Variants in ZNF462 observed in about 807,000 individuals in gnomAD.
The protein encoded by ZNF462 is zinc finger PBX1-interacting protein.
In ZNF462, 10 loss-of-function variants were observed where a neutral mutation model predicts 201.9. The ratio of observed to expected loss-of-function variants is 0.05; its 90% CI spans 0.03 to 0.08. ZNF462 has a LOEUF of 0.08. Among genes scored for constraint, ZNF462 ranks in the 10% least tolerant of loss-of-function variants. ZNF462 has a pLI of 1.00. For missense variants in ZNF462, 2,523 were observed against 3,168.3 expected (o/e 0.80, Z 4.89); for synonymous variants, 1,227 against 1,193.3 (o/e 1.03, Z -0.58).
intron 7 of ZNF462, among the ~76,000 whole-genome samples, chr9:106,956,400 G>T (rs956279053): frequency 6.6e-6 from 1 of 152,148 alleles, no homozygotes; most frequent in Non-Finnish European, 1.5e-5. Flanking sequence ...AAACCATGCT[G>T]TAAACAGATG....
At chr9:106,862,295 C>G (rs1228758118), upstream of ZNF462, among the ~76,000 whole-genome samples, 1 of 152,184 alleles carries the variant, frequency 6.6e-6, no homozygotes, top group African/African-American at 2.4e-5. The surrounding 1 kb of genome is among the most constrained non-coding windows in gnomAD (Gnocchi z 4.2). Flanking sequence ...AGGTTGGCCT[C>G]TAGATGGATG....
In ZNF462 at chr9:106,929,002, T is replaced by C; in HGVS notation, c.5090T>C (p.Phe1697Ser). 1 of 1,613,802 alleles carries C rather than the reference T, an allele frequency of 6.2e-7. No individual in the cohort carries two copies. The highest frequency in any genetic ancestry group is 1.1e-5 in the South Asian group (1 of 91,058). The change falls in exon 3 of 13, where the codon TTC becomes TCC. Residue 1697 changes from phenylalanine (F) to serine (S), a missense_variant. By Grantham distance (155) the Phe-to-Ser change is radical. Coordinates refer to ENST00000277225, the MANE Select transcript of ZNF462 (RefSeq NM_021224.6). This position sits in a 1 kb window ranked among gnomAD's most constrained non-coding sequence, Gnocchi z 8.7. Reference sequence around the variant, plus strand: ...CAGCCAGAAGGCAAGAACAACCTCTTCAAGTGTGCCCTGTGTGCCTACACC... The same window carrying C: ...CAGCCAGAAGGCAAGAACAACCTCTCCAAGTGTGCCCTGTGTGCCTACACC... ...RAQPEGKNNL[F>S]KCALCAYTNP...
At chr9:106,973,996 AC>A (rs1826798357) in intron 8 of ZNF462, 140 bp from the exon 9 acceptor site, 2 of 1,123,480 alleles carry the variant, frequency 1.8e-6, no homozygotes, top group East Asian at 4.7e-5. Flanking sequence ...TGGTCAACAA[AC>A]ATGATGAACA....
At chr9:106,967,647 T>C (rs988908272) in intron 7 of ZNF462, among the ~76,000 whole-genome samples, 5 of 152,140 alleles carry the variant, frequency 3.3e-5, no homozygotes, top group African/African-American at 9.7e-5. Flanking sequence ...TTTGCATTTG[T>C]GTATCTTTCT....
intron 4 of ZNF462, among the ~76,000 whole-genome samples, chr9:106,931,705 G>A (rs1348880645): frequency 1.3e-5 from 2 of 152,154 alleles, no homozygotes; most frequent in Non-Finnish European, 1.5e-5. Context: ...AAAAACAGGT[G>A]ACTTAAAACT....
At chr9:106,996,602 T>C (rs938852483) in intron 10 of ZNF462, among the ~76,000 whole-genome samples, 2 of 152,194 alleles carry the variant, frequency 1.3e-5, no homozygotes, top group African/African-American at 4.8e-5. Flanking sequence ...GTTGGCTGCA[T>C]AAATGTCTTC....
At position 106,902,581 on chromosome 9, in the gene ZNF462, T is replaced by G. The variant is rs1829108408; in HGVS notation, c.-30-20773T>G. On this transcript the variant is annotated intron_variant, in intron 1 of 12. Coordinates refer to ENST00000277225, the MANE Select transcript of ZNF462 (RefSeq NM_021224.6). The surrounding 1 kb of genome is among the most constrained non-coding windows in gnomAD (Gnocchi z 4.2). ...CTTTTTTTGTTGGTAATTTTTTAAT[T>G]TATCATTTCAATCTCACTGCTTGTT... Among the ~76,000 whole-genome samples, 1 of 152,150 alleles carries G rather than the reference T, an allele frequency of 6.6e-6. No homozygotes were observed. The highest frequency in any genetic ancestry group is 1.5e-5 in the Non-Finnish European group (1 of 68,010).
chr9:106,982,603 A>G (rs138798443), intron 9 of ZNF462, among the ~76,000 whole-genome samples: 2 of 152,350 alleles, frequency 1.3e-5, no homozygotes, highest in Admixed American at 6.5e-5. Flanking sequence ...GCTGTCTGCT[A>G]TACTTGGGTT....
At chr9:106,952,520 T>C (rs1024170951) in intron 7 of ZNF462, among the ~76,000 whole-genome samples, 3 of 152,138 alleles carry the variant, frequency 2.0e-5, no homozygotes, top group African/African-American at 7.2e-5. Context: ...CCTAAGACAG[T>C]TCAGTGTTTG....
intron 1 of ZNF462, among the ~76,000 whole-genome samples, chr9:106,868,834 G>A (rs767582272): frequency 6.6e-6 from 1 of 152,160 alleles, no homozygotes; most frequent in African/African-American, 2.4e-5. Context: ...AGGGCCCACA[G>A]CTTTCTGAGA....
Position 106,879,377 on chromosome 9 carries a change from C to T in ZNF462, c.-31+16022C>T, listed in dbSNP as rs1473835155. The stretch of plus-strand genomic sequence containing the variant: ...CCTTGTCTCTTGTCCTCTTCTGGAG[C>T]TTTCACATTATGTGTTAAATGATTA... On this transcript the variant is annotated intron_variant, in intron 1 of 12. Coordinates refer to ENST00000277225, the MANE Select transcript of ZNF462 (RefSeq NM_021224.6). Among the ~76,000 whole-genome samples, 3 of 134,324 alleles carry T rather than the reference C, an allele frequency of 2.2e-5. No individual in the cohort carries two copies. In the South Asian group the frequency reaches 8.0e-4, roughly 36 times the overall value. The allele number at this position is 134,324 out of a possible 152,430, so 88.1% of individuals were successfully genotyped here. A position where few individuals can be genotyped will look rare whatever the true frequency, so the allele number is the denominator to read the frequency against.
In ZNF462 at chr9:106,883,984, C is replaced by T. The variant is rs1436079291; in HGVS notation, c.-31+20629C>T. On this transcript the variant is annotated intron_variant, in intron 1 of 12. Coordinates refer to ENST00000277225, the MANE Select transcript of ZNF462 (RefSeq NM_021224.6). This position sits in a 1 kb window ranked among gnomAD's most constrained non-coding sequence, Gnocchi z 4.9. Reference sequence around the variant, plus strand: ...CATTGCTCATAAAAAAATGTTTAAGCAACCACAAGTGTGTATATATGGTGG... The same window carrying T: ...CATTGCTCATAAAAAAATGTTTAAGTAACCACAAGTGTGTATATATGGTGG... Among the ~76,000 whole-genome samples the T allele has an allele frequency of 3.3e-5, 5 of 152,314 alleles. No individual in the cohort carries two copies. The East Asian group carries it at 9.6e-4, about 29-fold the overall frequency.
intron 9 of ZNF462, among the ~76,000 whole-genome samples, chr9:106,983,262 G>A (rs551867579): frequency 1.3e-5 from 2 of 152,132 alleles, no homozygotes; most frequent in African/African-American, 2.4e-5. Context: ...GTATGTTAAC[G>A]GGAAAAGCAC....
chr9:106,904,770 GT>G (rs887845591), intron 1 of ZNF462, among the ~76,000 whole-genome samples: 1 of 151,674 alleles, frequency 6.6e-6, no homozygotes, highest in Non-Finnish European at 1.5e-5. Flanking sequence ...ATTTTTGATT[GT>G]TTTTTTTCTT....
chr9:106,923,287 G>A lies in ZNF462; in HGVS notation c.-30-67G>A, dbSNP rs1418039516. 1 of 1,194,356 alleles carries A rather than the reference G, an allele frequency of 8.4e-7. No homozygotes were observed. The highest frequency in any genetic ancestry group is 1.2e-6 in the Non-Finnish European group (1 of 810,482). 74.0% of individuals were successfully genotyped at this position (1,194,356 alleles called of 1,614,324 possible). The stretch of plus-strand genomic sequence containing the variant: ...ATTTTTTCCCATTAATGGATATATA[G>A]CCCCATCAGCTCGAGGTATGTGATT... On this transcript the variant is annotated intron_variant, in intron 1 of 12. Transcript: ENST00000277225. This position sits in a 1 kb window ranked among gnomAD's most constrained non-coding sequence, Gnocchi z 5.6.
chr9:106,996,846 T>A (rs1828772218), intron 10 of ZNF462, among the ~76,000 whole-genome samples: 1 of 152,164 alleles, frequency 6.6e-6, no homozygotes, highest in Admixed American at 6.6e-5. Flanking sequence ...TCAAATAGCA[T>A]TTATTGTGTG....
At position 106,974,348 on chromosome 9, in the gene ZNF462, T is replaced by C; in HGVS notation, c.6832+75T>C. 1.9e-6 allele frequency: 3 copies of C among 1,602,294 alleles called. No individual in the cohort carries two copies. Among genetic ancestry groups the C allele is most frequent in the Non-Finnish European group, 2.6e-6 (3 of 1,169,514 alleles). ...GAGATGGCCTTCTAGGGATGCTCTC[T>C]CAGAGTGGCAGTAGCACCTGTGCCT... On this transcript the variant is annotated intron_variant, in intron 9 of 12. Transcript: ENST00000277225. This position sits in a 1 kb window ranked among gnomAD's most constrained non-coding sequence, Gnocchi z 4.0.
At chr9:106,964,008 CGTGT>C (rs111450825) in intron 7 of ZNF462, among the ~76,000 whole-genome samples, 874 of 146,670 alleles carry the variant, frequency 6.0e-3, no homozygotes, top group South Asian at 0.015. Flanking sequence ...AAATAATATT[CGTGT>C]GTGTGTGTGT....
chr9:106,998,445 G>T (rs566560337), intron 10 of ZNF462, among the ~76,000 whole-genome samples: 41 of 152,112 alleles, frequency 2.7e-4, no homozygotes, highest in Non-Finnish European at 4.9e-4. Flanking sequence ...TATCACCTTA[G>T]AATATGCCAG....
Sources: allele counts gnomAD v4.1 joint callset (sites outside exome capture counted in the v4.1 genomes callset), GRCh38; gene constraint gnomAD v4.1.1; non-coding constraint Gnocchi (gnomAD v3.1); transcripts MANE v1.5; gene names NCBI Gene and HGNC (gene_info 2026-07-23, HGNC 2026-07-21).